The following CCNB3 variants were observed in gnomAD, a reference collection of about 807,000 sequenced individuals.
The protein encoded by CCNB3 is cyclin B3, also known as G2/mitotic-specific cyclin-B3.
In CCNB3, 12 loss-of-function variants were observed where a neutral mutation model predicts 68.0. That is an observed-to-expected ratio of 0.18 (90% CI 0.11 to 0.29). The LOEUF is 0.29. CCNB3 is among the 10% of genes least tolerant of loss of function. CCNB3 has a pLI of 1.00. For missense variants in CCNB3, 904 were observed against 993.1 expected, an observed-to-expected ratio of 0.91 and a Z score of 1.21; for synonymous variants, 354 against 388.9, an observed-to-expected ratio of 0.91 and a Z score of 1.06.
intron 11 of CCNB3, among the ~76,000 whole-genome samples, chrX:50,349,209 G>A (rs782651410): frequency 4.5e-5 from 5 of 112,212 alleles, no homozygotes; most frequent in South Asian, 3.7e-4. Flanking sequence ...TTAAAAAGAC[G>A]TGAAGGCATT....
At chrX:50,215,941 C>CTTTTTTTTTT (rs1195858030) in intron 1 of CCNB3, among the ~76,000 whole-genome samples, 1 of 52,487 alleles carries the variant, frequency 1.9e-5, no homozygotes, top group Non-Finnish European at 3.3e-5. Context: ...GGGTGTGCTT[C>CTTTTTTTTTT]TTTTTTTTTT....
intron 8 of CCNB3, among the ~76,000 whole-genome samples, chrX:50,327,897 G>A (rs1922377989): frequency 9.0e-6 from 1 of 111,364 alleles, no homozygotes; most frequent in Non-Finnish European, 1.9e-5. Context: ...AATTATCCTC[G>A]ATTACCCAAG....
At chrX:50,328,764 C>T (rs1316006174) in intron 8 of CCNB3, among the ~76,000 whole-genome samples, 1 of 111,849 alleles carries the variant, frequency 8.9e-6, no homozygotes, top group Non-Finnish European at 1.9e-5. Context: ...TTCCTTTTAC[C>T]TATGAACCTA....
intron 8 of CCNB3, among the ~76,000 whole-genome samples, chrX:50,326,089 A>G (rs1325643686): frequency 8.9e-6 from 1 of 111,735 alleles, no homozygotes; most frequent in African/African-American, 3.2e-5. Context: ...CCATATAAGT[A>G]TAGATCTATG....
At chrX:50,207,146 T>C (rs73211765) in intron 1 of CCNB3, among the ~76,000 whole-genome samples, 2 of 111,886 alleles carry the variant, frequency 1.8e-5, no homozygotes, top group Non-Finnish European at 3.8e-5. Flanking sequence ...ATATTTCCAT[T>C]ATGAAGATAT....
intron 8 of CCNB3, among the ~76,000 whole-genome samples, chrX:50,328,517 A>G (rs1488026243): frequency 5.4e-5 from 6 of 111,650 alleles, no homozygotes; most frequent in African/African-American, 2.0e-4. Context: ...CCAAGCCATG[A>G]GGGATCTGTC....
At chrX:50,286,224 C>T (rs1215940325) in intron 3 of CCNB3, among the ~76,000 whole-genome samples, 1 of 112,272 alleles carries the variant, frequency 8.9e-6, no homozygotes, top group African/African-American at 3.2e-5. Context: ...GATTATTTAT[C>T]ATCAGCTAGA....
At chrX:50,223,041 G>A (rs891357374) in intron 1 of CCNB3, among the ~76,000 whole-genome samples, 17 of 108,962 alleles carry the variant, frequency 1.6e-4, no homozygotes, top group East Asian at 8.7e-4. Flanking sequence ...CCTTTATTCC[G>A]CTTGATTGAT....
Position 50,291,516 on chromosome X carries a change from G to A in CCNB3, c.204+2629G>A, listed in dbSNP as rs148270581. Reference sequence around the variant, plus strand: ...TAGGCTCAAGCAATCCTCCTGCCTCGACCTCCCAAAGTGCTGCAATTATAG... The same window carrying A: ...TAGGCTCAAGCAATCCTCCTGCCTCAACCTCCCAAAGTGCTGCAATTATAG... On this transcript the variant is annotated intron_variant, in intron 4 of 12. Coordinates refer to ENST00000376042, the MANE Select transcript of CCNB3 (RefSeq NM_033031.3). Among the ~76,000 whole-genome samples, 1,083 of 110,631 alleles carry A rather than the reference G, an allele frequency of 9.8e-3. 12 individuals are homozygous for A. Among genetic ancestry groups the A allele is most frequent in the African/African-American group, 0.034 (1,034 of 30,474 alleles).
chrX:50,213,128 CCA>C (rs1254449345), intron 1 of CCNB3, among the ~76,000 whole-genome samples: 47,870 of 110,577 alleles, frequency 0.43, 8,765 homozygotes, highest in Non-Finnish European at 0.58. Context: ...TATCTCTGTT[CCA>C]CACAGATTTT....
At chrX:50,283,798 C>T (rs1328268587) in intron 1 of CCNB3, among the ~76,000 whole-genome samples, 1 of 111,058 alleles carries the variant, frequency 9.0e-6, no homozygotes, top group Non-Finnish European at 1.9e-5. Flanking sequence ...AAGTCCTGAT[C>T]ACATGTTACT....
intron 1 of CCNB3, among the ~76,000 whole-genome samples, chrX:50,228,512 G>A (rs1935971172): frequency 2.2e-5 from 2 of 89,351 alleles, no homozygotes; most frequent in Admixed American, 1.5e-4. Context: ...CATAGAATAT[G>A]TATAGAGGTT....
chrX:50,310,865 A>C lies in CCNB3; in HGVS notation c.2696A>C (p.Gln899Pro). The change falls in exon 6 of 13, where the codon CAA becomes CCA. Residue 899 changes from glutamine (Q) to proline (P), a missense_variant. By Grantham distance (76) the Gln-to-Pro change is moderately conservative. Around this residue, in one of 2 missense-constraint regions of CCNB3, gnomAD observed 285 missense variants for 383.4 expected, o/e 0.74. Coordinates refer to ENST00000376042, the MANE Select transcript of CCNB3 (RefSeq NM_033031.3). ...ETIFKESLDLQEKPSIKKETL... is the reference protein window; with the variant it reads ...ETIFKESLDLPEKPSIKKETL... ...ATCTTCAAGGAGTCTTTGGACTTGC[A>C]AGAGAAGCCCAGCATTAAGAAAGAG... 1.7e-6 allele frequency: 2 copies of C among 1,211,953 alleles called. No homozygotes were observed. The highest frequency in any genetic ancestry group is 2.2e-6 in the Non-Finnish European group (2 of 895,544).
At chrX:50,209,631 C>T (rs1419582454) in intron 1 of CCNB3, among the ~76,000 whole-genome samples, 1 of 112,381 alleles carries the variant, frequency 8.9e-6, no homozygotes, top group African/African-American at 3.2e-5. Context: ...GTCGGGATTA[C>T]AGGCATGAGC....
chrX:50,227,525 A>G (rs1935899820), intron 1 of CCNB3, among the ~76,000 whole-genome samples: 1 of 75,783 alleles, frequency 1.3e-5, no homozygotes, highest in African/African-American at 4.8e-5. Context: ...ATATATATGG[A>G]GAGAATATAT....
At position 50,309,721 on chromosome X, in the gene CCNB3, T is replaced by C. The variant is rs1557214310; in HGVS notation, c.1552T>C (p.Ser518Pro). 8.3e-7 allele frequency: 1 copy of C among 1,207,798 alleles called. No individual in the cohort carries two copies. The highest frequency in any genetic ancestry group is 1.1e-6 in the Non-Finnish European group (1 of 894,485). The change falls in exon 6 of 13, where the codon TCA becomes CCA. Residue 518 changes from serine (S) to proline (P), a missense_variant. By Grantham distance (74) the Ser-to-Pro change is moderately conservative. This residue lies in a region of CCNB3 where 619 missense variants were observed against 609.8 expected (regional missense o/e 1.02). Transcript: ENST00000376042. ...ATTACAGACCACCTCTGGAGAAAAG[T>C]CACTTATTAAGGAGCCACTGCCCTT... ...LILQTTSGEK[S>P]LIKEPLPFKE... is the part of the protein sequence containing the mutation.
chrX:50,310,183 T>C lies in CCNB3; in HGVS notation c.2014T>C (p.Ser672Pro). Reference sequence around the variant, plus strand: ...GAAGGCTACCACTGAGGAGGAATTCTCTCAGGAACTATTTTCATTGCATGT... The same window carrying C: ...GAAGGCTACCACTGAGGAGGAATTCCCTCAGGAACTATTTTCATTGCATGT... ...QEKATTEEEF[S>P]QELFSLHVKH... The change falls in exon 6 of 13, where the codon TCT becomes CCT. Residue 672 changes from serine (S) to proline (P), a missense_variant. This residue lies in a region of CCNB3 where 619 missense variants were observed against 609.8 expected (regional missense o/e 1.02). Transcript: ENST00000376042. 8.3e-7 allele frequency: 1 copy of C among 1,209,184 alleles called. No individual in the cohort carries two copies. The highest frequency in any genetic ancestry group is 1.1e-6 in the Non-Finnish European group (1 of 893,856).
In CCNB3 at chrX:50,310,427, C is replaced by G. The variant is rs782634299; in HGVS notation, c.2258C>G (p.Ser753Cys). Residue 753 changes from serine (S) to cysteine (C), a missense_variant, in exon 6 of 13, where the codon TCC becomes TGC. Coordinates refer to ENST00000376042, the MANE Select transcript of CCNB3 (RefSeq NM_033031.3). The stretch of plus-strand genomic sequence containing the variant: ...ACACAATTATCTTTAAAGAAGAAGT[C>G]CACTTCTCATGGAAAAGTGTTCTTC... ...IQTQLSLKKKSTSHGKVFFLK... is the reference protein window; with the variant it reads ...IQTQLSLKKKCTSHGKVFFLK... 4.3e-5 allele frequency: 52 copies of G among 1,209,149 alleles called. No homozygotes were observed. Among genetic ancestry groups the G allele is most frequent in the Non-Finnish European group, 5.4e-5 (48 of 894,230 alleles).
chrX:50,314,229 G>C lies in CCNB3; in HGVS notation c.3516+281G>C, dbSNP rs191398835. On this transcript the variant is annotated intron_variant, in intron 8 of 12. Transcript: ENST00000376042. ...TTCTAGAAAAGGCAGTGACGGTATGGTCGTTTTATCATTCTTAAAGTCTTG... is the reference window on the plus strand; with the variant it reads ...TTCTAGAAAAGGCAGTGACGGTATGCTCGTTTTATCATTCTTAAAGTCTTG... Among the ~76,000 whole-genome samples the C allele has an allele frequency of 6.2e-5, 7 of 112,210 alleles. 1 individual carries two copies. The highest frequency in any genetic ancestry group is 2.3e-4 in the African/African-American group (7 of 31,003).
Sources: allele counts gnomAD v4.1 joint callset (sites outside exome capture counted in the v4.1 genomes callset), GRCh38; gene constraint gnomAD v4.1.1; regional missense constraint gnomAD v4.1.1; transcripts MANE v1.5; gene names NCBI Gene and HGNC (gene_info 2026-07-23, HGNC 2026-07-21).